LRRC8C: variants seen among roughly 807,000 people sequenced by gnomAD.
The protein encoded by LRRC8C is leucine rich repeat containing 8 VRAC subunit C, also known as volume-regulated anion channel subunit LRRC8C.
In LRRC8C, 20 loss-of-function variants were observed where a neutral mutation model predicts 55.3. The ratio of observed to expected loss-of-function variants is 0.36; its 90% CI spans 0.25 to 0.53. The LOEUF (loss-of-function observed/expected upper bound fraction) is 0.53, where lower values mean the gene tolerates loss of function less well. Ranked by LOEUF, LRRC8C falls within the 20% of genes least tolerant of loss-of-function variation. The pLI is 0.92. For synonymous variants in LRRC8C, 376 were observed against 360.7 expected, an observed-to-expected ratio of 1.04 and a Z score of -0.48; for missense variants, 659 against 951.4, an observed-to-expected ratio of 0.69 and a Z score of 4.04.
intron 1 of LRRC8C, among the ~76,000 whole-genome samples, chr1:89,677,997 A>G (rs1284624143): frequency 5.3e-5 from 8 of 152,206 alleles, no homozygotes; most frequent in South Asian, 4.1e-4. Flanking sequence ...TTTTCAGCAT[A>G]TTCTGATGAC....
At chr1:89,645,739 A>G (rs6661386) in intron 1 of LRRC8C, among the ~76,000 whole-genome samples, 2 of 152,112 alleles carry the variant, frequency 1.3e-5, no homozygotes, top group Non-Finnish European at 2.9e-5. Flanking sequence ...TCTGAACCCA[A>G]TAGAATTAAA....
chr1:89,703,621 G>A (rs550477366), intron 2 of LRRC8C, among the ~76,000 whole-genome samples: 1 of 151,944 alleles, frequency 6.6e-6, no homozygotes, highest in South Asian at 2.1e-4. Flanking sequence ...AGTTCAGTGG[G>A]TAGTTACAAC....
intron 2 of LRRC8C, among the ~76,000 whole-genome samples, chr1:89,690,738 C>T (rs1230689137): frequency 6.6e-6 from 1 of 152,154 alleles, no homozygotes; most frequent in Non-Finnish European, 1.5e-5. Context: ...GAATCATCTT[C>T]CTGCAGCACA....
At chr1:89,664,427 G>A (rs1657201529) in intron 1 of LRRC8C, among the ~76,000 whole-genome samples, 1 of 152,060 alleles carries the variant, frequency 6.6e-6, no homozygotes, top group South Asian at 2.1e-4. Flanking sequence ...ATTTTTGTCA[G>A]GTTTGTCAAA....
rs777389203 is a variant in LRRC8C at position 89,713,440 on chromosome 1, A to G, written c.870A>G (p.Thr290=). ...NSALVSKVQF[T]VDCNVDIQDM... is the part of the protein sequence containing the mutation. ...CTCTGGTTTCCAAGGTCCAGTTTAC[A>G]GTGGACTGTAATGTGGACATTCAGG... The change falls in exon 3 of 3, where the codon ACA becomes ACG. Residue 290 remains threonine (T), a synonymous_variant. Transcript: ENST00000370454. The surrounding 1 kb of genome is among the most constrained non-coding windows in gnomAD (Gnocchi z 5.2). 1.2e-6 allele frequency: 2 copies of G among 1,614,194 alleles called. No individual in the cohort carries two copies. Among genetic ancestry groups the G allele is most frequent in the Non-Finnish European group, 1.7e-6 (2 of 1,180,030 alleles).
chr1:89,628,673 T>G (rs1381476452), upstream of LRRC8C, among the ~76,000 whole-genome samples: 4 of 152,258 alleles, frequency 2.6e-5, no homozygotes, highest in Admixed American at 6.5e-5. Flanking sequence ...TGTTCAGATT[T>G]CTTCTTGGCC....
At chr1:89,663,685 T>C (rs888537838) in intron 1 of LRRC8C, among the ~76,000 whole-genome samples, 1 of 152,148 alleles carries the variant, frequency 6.6e-6, no homozygotes, top group African/African-American at 2.4e-5. Context: ...CAGTTCCAGA[T>C]CCTTGAGGAA....
intron 1 of LRRC8C, among the ~76,000 whole-genome samples, chr1:89,662,915 T>A (rs1309555538): frequency 6.6e-6 from 1 of 152,170 alleles, no homozygotes. Flanking sequence ...GGTGCTTTGC[T>A]GTGCCCATCA....
chr1:89,620,861 A>G, the LRRC8C span, among the ~76,000 whole-genome samples: 1 of 152,342 alleles, frequency 6.6e-6, no homozygotes, highest in African/African-American at 2.4e-5. Context: ...ACAGAAAAAT[A>G]TCCACCAATC....
intron 2 of LRRC8C, among the ~76,000 whole-genome samples, chr1:89,687,974 A>G (rs1051814101): frequency 1.3e-5 from 2 of 152,204 alleles, no homozygotes; most frequent in Non-Finnish European, 2.9e-5. Context: ...AACACTTTAC[A>G]TGTATTTTAA....
intron 2 of LRRC8C, among the ~76,000 whole-genome samples, chr1:89,699,990 C>A (rs988371455): frequency 1.3e-5 from 2 of 152,124 alleles, no homozygotes; most frequent in African/African-American, 4.8e-5. Context: ...GTTTGGACAA[C>A]GAGTGCTTTC....
chr1:89,708,935 A>G (rs1658564678), intron 2 of LRRC8C, among the ~76,000 whole-genome samples: 1 of 152,208 alleles, frequency 6.6e-6, no homozygotes, highest in Non-Finnish European at 1.5e-5. Context: ...GTTCTTAGTA[A>G]CTAGATTCCA....
Position 89,699,041 on chromosome 1 carries a change from TAAAAATA to T in LRRC8C, c.138+12447_138+12453del, listed in dbSNP as rs563725303. On this transcript the variant is annotated intron_variant, in intron 2 of 2. Coordinates refer to ENST00000370454, the MANE Select transcript of LRRC8C (RefSeq NM_032270.5). Reference sequence around the variant, plus strand: ...CAAACAATGGAATGCTATATAGTGCTAAAAATAAAAAATAAAAAATAAACGGTCAAGC... The same window carrying T: ...CAAACAATGGAATGCTATATAGTGCTAAAAATAAAAAATAAACGGTCAAGC... Among the ~76,000 whole-genome samples, 503 of 152,026 alleles carry T rather than the reference TAAAAATA, an allele frequency of 3.3e-3. 1 individual carries two copies. The highest frequency in any genetic ancestry group is 6.0e-3 in the Non-Finnish European group (410 of 67,964).
intron 1 of LRRC8C, among the ~76,000 whole-genome samples, chr1:89,681,666 G>C (rs1169384301): frequency 6.6e-6 from 1 of 152,100 alleles, no homozygotes; most frequent in Non-Finnish European, 1.5e-5. Context: ...CAGATCTCAT[G>C]AGACATTCAC....
intron 1 of LRRC8C, among the ~76,000 whole-genome samples, chr1:89,655,805 C>T (rs1269354361): frequency 1.3e-5 from 2 of 152,164 alleles, no homozygotes; most frequent in Non-Finnish European, 2.9e-5. Flanking sequence ...CCTTACTTGT[C>T]TGTTGAAGAT....
Position 89,686,593 on chromosome 1 carries a change from G to T in LRRC8C, c.120G>T (p.Val40=). 1.2e-6 allele frequency: 2 copies of T among 1,614,158 alleles called. No individual in the cohort carries two copies. The change falls in exon 2 of 3, where the codon GTG becomes GTT. Residue 40 remains valine (V), a synonymous_variant. Coordinates refer to ENST00000370454, the MANE Select transcript of LRRC8C (RefSeq NM_032270.5). ...CAGTAGCCATGCTCATGATCGGCGT[G>T]TTTGGATGTACTTTACAGGTAGGTG... ...YLSVAMLMIG[V]FGCTLQVMQD...
Position 89,717,585 on chromosome 1 carries a change from C to T in LRRC8C, c.*2603C>T, listed in dbSNP as rs2101377109. On this transcript the variant is annotated 3_prime_UTR_variant, in exon 3 of 3. Coordinates refer to ENST00000370454, the MANE Select transcript of LRRC8C (RefSeq NM_032270.5). ...GATATTCCTATTAGATTTTATAAAC[C>T]TTCAAAAGTCTGAAACTTAATTTTG... The T allele has an allele frequency of 6.6e-6, 1 of 152,116 alleles. No individual in the cohort carries two copies. Among genetic ancestry groups the T allele is most frequent in the Non-Finnish European group, 1.5e-5 (1 of 67,996 alleles). 9.4% of individuals were successfully genotyped at this position (152,116 alleles called of 1,614,324 possible).
At chr1:89,671,461 G>C (rs1188573249) in intron 1 of LRRC8C, among the ~76,000 whole-genome samples, 1 of 152,204 alleles carries the variant, frequency 6.6e-6, no homozygotes, top group African/African-American at 2.4e-5. Context: ...GGTGGATTTC[G>C]AGTGAGGGGC....
Position 89,717,545 on chromosome 1 carries a change from G to A in LRRC8C, c.*2563G>A, listed in dbSNP as rs894644912. On this transcript the variant is annotated 3_prime_UTR_variant, in exon 3 of 3. Coordinates refer to ENST00000370454, the MANE Select transcript of LRRC8C (RefSeq NM_032270.5). The stretch of plus-strand genomic sequence containing the variant: ...TTCTGTGACTTCATGTTTTAACTAA[G>A]AAGGAAAATTCATAGATATTCCTAT... 6.6e-6 allele frequency: 1 copy of A among 152,052 alleles called. No homozygotes were observed. The highest frequency in any genetic ancestry group is 2.4e-5 in the African/African-American group (1 of 41,400). 9.4% of individuals were successfully genotyped at this position (152,052 alleles called of 1,614,324 possible). A position where few individuals can be genotyped will look rare whatever the true frequency, so the allele number is the denominator to read the frequency against.
Sources: gnomAD v4.1 joint callset for allele counts (sites outside exome capture counted in the v4.1 genomes callset) on GRCh38, gnomAD v4.1.1 for gene constraint, Gnocchi (gnomAD v3.1) non-coding constraint, MANE v1.5 for transcripts, NCBI Gene and HGNC (gene_info 2026-07-23, HGNC 2026-07-21) for gene names.